The following EBF1 variants were observed in gnomAD, a reference collection of about 807,000 sequenced individuals.
The protein encoded by EBF1 is EBF transcription factor 1.
Under a neutral mutation model 68.4 loss-of-function variants are expected in EBF1, and 10 were observed. That is an observed-to-expected ratio of 0.15 (90% confidence interval 0.09 to 0.25). The LOEUF is 0.25. Ranked by LOEUF, EBF1 falls within the 10% of genes least tolerant of loss-of-function variation. The pLI is 1.00. For missense variants in EBF1, 509 were observed against 794.4 expected (o/e 0.64, Z 4.32); for synonymous variants, 298 against 299.8 (o/e 0.99, Z 0.06).
intron 6 of EBF1, among the ~76,000 whole-genome samples, chr5:158,893,195 C>A (rs969445245): frequency 6.6e-6 from 1 of 152,146 alleles, no homozygotes; most frequent in African/African-American, 2.4e-5. Flanking sequence ...GCTTGCTCAA[C>A]CATCAGTTCC....
chr5:158,970,682 G>A (rs996329475), intron 6 of EBF1, among the ~76,000 whole-genome samples: 3 of 152,180 alleles, frequency 2.0e-5, no homozygotes, highest in African/African-American at 7.2e-5. Context: ...AAGCAGTTAA[G>A]ACTAATTTCA....
At chr5:158,996,850 C>T (rs549014401) in intron 6 of EBF1, among the ~76,000 whole-genome samples, 4 of 152,082 alleles carry the variant, frequency 2.6e-5, no homozygotes, top group Non-Finnish European at 5.9e-5. Flanking sequence ...TATGTTATAC[C>T]TCCTGTCTTG....
intron 10 of EBF1, among the ~76,000 whole-genome samples, chr5:158,751,292 G>A (rs932193209): frequency 3.3e-5 from 5 of 151,706 alleles, no homozygotes; most frequent in East Asian, 1.9e-4. Flanking sequence ...AGAGACGGGC[G>A]AATGAACAAC....
chr5:158,964,907 A>G (rs1753806418), intron 6 of EBF1, among the ~76,000 whole-genome samples: 2 of 152,228 alleles, frequency 1.3e-5, no homozygotes, highest in African/African-American at 4.8e-5. Context: ...AATCATCAAG[A>G]TGTGTAAGAA....
chr5:158,830,460 G>T (rs537662398), intron 7 of EBF1, among the ~76,000 whole-genome samples: 1 of 152,074 alleles, frequency 6.6e-6, no homozygotes, highest in East Asian at 1.9e-4. Flanking sequence ...TAGTAGAGAC[G>T]GTGTTTCACC....
chr5:158,753,433 C>A (rs1398265509), intron 10 of EBF1, among the ~76,000 whole-genome samples: 1 of 152,000 alleles, frequency 6.6e-6, no homozygotes, highest in Non-Finnish European at 1.5e-5. Flanking sequence ...AAATTCTAGC[C>A]CTCTGATGGG....
rs184435721 is a variant in EBF1, at chr5:158,698,584, C to T, written c.*527G>A. On this transcript the variant is annotated 3_prime_UTR_variant, in exon 16 of 16. Coordinates refer to ENST00000313708, the MANE Select transcript of EBF1 (RefSeq NM_024007.5). ...TTTGATATGCTTTAAGGCGCAAAAG[C>T]CGACCCTTAGTTTTTCTAAAAAATC... The T allele has an allele frequency of 6.4e-4, 143 of 221,738 alleles. No individual in the cohort carries two copies. The highest frequency in any genetic ancestry group is 1.0e-3 in the Admixed American group (18 of 17,382). 13.7% of individuals were successfully genotyped at this position (221,738 alleles called of 1,614,324 possible). A position where few individuals can be genotyped will look rare whatever the true frequency, so the allele number is the denominator to read the frequency against.
intron 6 of EBF1, among the ~76,000 whole-genome samples, chr5:158,847,346 G>A (rs867345643): frequency 3.3e-5 from 5 of 152,302 alleles, no homozygotes; most frequent in Middle Eastern, 3.4e-3. Flanking sequence ...AAATCTGAAA[G>A]GCAGGAAAAA....
intron 6 of EBF1, among the ~76,000 whole-genome samples, chr5:158,868,074 G>T (rs1415547403): frequency 6.6e-6 from 1 of 151,928 alleles, no homozygotes; most frequent in Non-Finnish European, 1.5e-5. Context: ...AAATATCAGG[G>T]ACGGGATTCA....
intron 8 of EBF1, among the ~76,000 whole-genome samples, chr5:158,803,332 C>G (rs1780961953): frequency 6.8e-6 from 1 of 147,682 alleles, no homozygotes; most frequent in Non-Finnish European, 1.5e-5. Flanking sequence ...CCTGCTCGAT[C>G]TGAATGCTTG....
chr5:158,737,266 A>ATTTTTTTTTTTT lies in EBF1; in HGVS notation c.1037-6121_1037-6110dup, dbSNP rs61380054. Among the ~76,000 whole-genome samples the ATTTTTTTTTTTT allele has an allele frequency of 3.1e-4, 17 of 55,640 alleles. 2 individuals carry two copies. Among genetic ancestry groups the ATTTTTTTTTTTT allele is most frequent in the African/African-American group, 4.0e-4 (5 of 12,608 alleles). The allele number at this position is 55,640 out of a possible 152,430, so 36.5% of individuals were successfully genotyped here. ...CCAAACTGCCTTTGAACATGCCCTGATTTTTTTTTTTTTTTTTTTTTTTTT... is the reference window on the plus strand; with the variant it reads ...CCAAACTGCCTTTGAACATGCCCTGATTTTTTTTTTTTTTTTTTTTTTTTTTTTTTTTTTTTT... On this transcript the variant is annotated intron_variant, in intron 10 of 15. Coordinates refer to ENST00000313708, the MANE Select transcript of EBF1 (RefSeq NM_024007.5).
intron 6 of EBF1, among the ~76,000 whole-genome samples, chr5:159,024,960 A>T (rs567105535): frequency 6.6e-6 from 1 of 152,228 alleles, no homozygotes; most frequent in Non-Finnish European, 1.5e-5. Flanking sequence ...CAAGATTTCC[A>T]TCTAGGGCAC....
At chr5:158,760,468 G>A (rs556355365) in intron 10 of EBF1, among the ~76,000 whole-genome samples, 5 of 152,158 alleles carry the variant, frequency 3.3e-5, no homozygotes, top group Non-Finnish European at 7.4e-5. Flanking sequence ...ATAAGGCAAT[G>A]AAGAACTTAT....
At chr5:158,868,753 G>A (rs1796358468) in intron 6 of EBF1, among the ~76,000 whole-genome samples, 1 of 152,156 alleles carries the variant, frequency 6.6e-6, no homozygotes, top group Non-Finnish European at 1.5e-5. Context: ...TTCATGCAGT[G>A]AAGATGCTGA....
At chr5:158,930,031 C>G (rs746838142) in intron 6 of EBF1, among the ~76,000 whole-genome samples, 18 of 152,146 alleles carry the variant, frequency 1.2e-4, no homozygotes, top group Non-Finnish European at 2.1e-4. Flanking sequence ...AGCAATTCAG[C>G]GTGCTGTTAA....
chr5:158,980,908 A>G (rs185568459), intron 6 of EBF1, among the ~76,000 whole-genome samples: 74 of 152,318 alleles, frequency 4.9e-4, no homozygotes, highest in African/African-American at 1.7e-3. Flanking sequence ...AAGGAAAAAG[A>G]AACTAGTAAG....
intron 6 of EBF1, among the ~76,000 whole-genome samples, chr5:159,027,594 A>C (rs374593076): frequency 1.3e-3 from 192 of 152,354 alleles, no homozygotes; most frequent in African/African-American, 4.5e-3. Flanking sequence ...AGATATTCTA[A>C]TTCTGGCTGA....
At chr5:158,742,424 T>C (rs1324679209) in intron 10 of EBF1, among the ~76,000 whole-genome samples, 1 of 152,240 alleles carries the variant, frequency 6.6e-6, no homozygotes, top group African/African-American at 2.4e-5. Context: ...AAAGTGAAGA[T>C]TTAATGTGCT....
chr5:158,863,527 C>T (rs1032972989), intron 6 of EBF1, among the ~76,000 whole-genome samples: 2 of 152,120 alleles, frequency 1.3e-5, no homozygotes, highest in African/African-American at 4.8e-5. Context: ...TGATAAAATG[C>T]TACCTACGAT....
Sources: gnomAD v4.1 joint callset for allele counts (sites outside exome capture counted in the v4.1 genomes callset) on GRCh38, gnomAD v4.1.1 for gene constraint, MANE v1.5 for transcripts, NCBI Gene and HGNC (gene_info 2026-07-23, HGNC 2026-07-21) for gene names.